The following DNAAF8 variants were observed in gnomAD, a reference collection of about 807,000 sequenced individuals.
The protein encoded by DNAAF8 is dynein axonemal assembly factor 8, also known as dynein axonemal-associated protein 1.
A neutral mutation model predicts 54.6 loss-of-function variants in DNAAF8; 61 were observed. The observed-to-expected ratio is 1.12, with a 90% CI of 0.91 to 1.38. DNAAF8 has a LOEUF of 1.38. Among genes scored for constraint, DNAAF8 ranks in the 40% most tolerant of loss-of-function variants. The pLI, the probability that DNAAF8 is intolerant of heterozygous loss-of-function variation, is 0.00. For synonymous variants in DNAAF8, 320 were observed against 270.1 expected (o/e 1.18, Z -1.81); for missense variants, 837 against 665.0 (o/e 1.26, Z -2.85).
rs2082053649 is a variant in DNAAF8 at position 4,749,085 on chromosome 16, C to T, written c.*370C>T. On this transcript the variant is annotated 3_prime_UTR_variant, in exon 10 of 10. Coordinates refer to ENST00000299320, the MANE Select transcript of DNAAF8 (RefSeq NM_139170.3). ...TGCAAGTCAAAGGCAAGACAGGCTTCCATAAAGTCCCAGGAGGTCCCTCCT... is the reference window on the plus strand; with the variant it reads ...TGCAAGTCAAAGGCAAGACAGGCTTTCATAAAGTCCCAGGAGGTCCCTCCT... The T allele has an allele frequency of 6.6e-6, 1 of 152,534 alleles. No individual in the cohort carries two copies. Among genetic ancestry groups the T allele is most frequent in the Admixed American group, 6.5e-5 (1 of 15,294 alleles). 9.4% of individuals were successfully genotyped at this position (152,534 alleles called of 1,614,324 possible). A position where few individuals can be genotyped will look rare whatever the true frequency, so the allele number is the denominator to read the frequency against.
Position 4,739,265 on chromosome 16 carries a change from G to GGTTTTTTTTTTTTTTT in DNAAF8, c.277-888_277-887insGTTTTTTTTTTTTTTT, listed in dbSNP as rs1555482695. 2.2e-4 allele frequency among the ~76,000 whole-genome samples: 15 copies of GGTTTTTTTTTTTTTTT among 69,042 alleles called. 1 individual carries two copies. The highest frequency in any genetic ancestry group is 4.6e-4 in the Admixed American group (2 of 4,390). 45.3% of individuals were successfully genotyped at this position (69,042 alleles called of 152,430 possible). A position where few individuals can be genotyped will look rare whatever the true frequency, so the allele number is the denominator to read the frequency against. ...AAACTCTTCTGGATGATTTTTTCTT[G>GGTTTTTTTTTTTTTTT]TTTTTTTTTTTTTTTTTTTTTGTAA... On this transcript the variant is annotated intron_variant, in intron 3 of 9. Coordinates refer to ENST00000299320, the MANE Select transcript of DNAAF8 (RefSeq NM_139170.3).
rs754673926 is a variant in DNAAF8 at position 4,740,640 on chromosome 16, C to T, written c.764C>T (p.Pro255Leu). 1 of 1,602,510 alleles carries T rather than the reference C, an allele frequency of 6.2e-7. No homozygotes were observed. Among genetic ancestry groups the T allele is most frequent in the African/African-American group, 1.3e-5 (1 of 74,816 alleles). ...CCCCTCGTGGAGCCTCCGGAGGGAC[C>T]ACCAGTGCTCTCGCTCCAGGTAGGC... ...KMPLVEPPEG[P>L]PVLSLQQLEA... Residue 255 changes from proline to leucine, a missense_variant, in exon 4 of 10, where the codon CCA becomes CTA. Physicochemically the swap from Pro to Leu is moderately conservative, Grantham distance 98. Transcript: ENST00000299320.
chr16:4,747,659 G>A, intron 9 of DNAAF8, 25 bp downstream of exon 9: 1 of 1,571,734 alleles, frequency 6.4e-7, no homozygotes, highest in Non-Finnish European at 8.7e-7. Flanking sequence ...GGAGTGGGCA[G>A]GGGCGGGCTG....
At chr16:4,739,415 A>G (rs1433692059) in intron 3 of DNAAF8, among the ~76,000 whole-genome samples, 1 of 151,658 alleles carries the variant, frequency 6.6e-6, no homozygotes, top group Non-Finnish European at 1.5e-5. Context: ...GAGCCCCAAC[A>G]TTATCATGAT....
chr16:4,745,044 T>C, intron 6 of DNAAF8, 33 bp downstream of exon 6: 1 of 1,601,774 alleles, frequency 6.2e-7, no homozygotes, highest in Non-Finnish European at 8.5e-7. Context: ...GCTCCTGTGG[T>C]CCTTTAGAAT....
In DNAAF8 at chr16:4,747,601, G is replaced by A; in HGVS notation, c.1539G>A (p.Leu513=). The part of the protein sequence containing the change: ...VPEPGAAREA[L]MPPLEQL ...AGCCAGGGGCAGCCAGGGAGGCCCTGATGCCTCCTCTGGAGCAACTATAGC... is the reference window on the plus strand; with the variant it reads ...AGCCAGGGGCAGCCAGGGAGGCCCTAATGCCTCCTCTGGAGCAACTATAGC... The change falls in exon 9 of 10, where the codon CTG becomes CTA. Residue 513 remains leucine (L), a synonymous_variant. Transcript: ENST00000299320. 1 of 1,609,610 alleles carries A rather than the reference G, an allele frequency of 6.2e-7. No homozygotes were observed. The highest frequency in any genetic ancestry group is 8.5e-7 in the Non-Finnish European group (1 of 1,178,770).
intron 1 of DNAAF8, among the ~76,000 whole-genome samples, chr16:4,735,677 G>C (rs2081882701): frequency 6.6e-6 from 1 of 151,878 alleles, no homozygotes. Context: ...CAAACTGTCA[G>C]CCAGGCGCGA....
At chr16:4,747,299 C>T (rs200705043) in intron 8 of DNAAF8, 44 bp from the exon 9 acceptor site, 7 of 1,516,828 alleles carry the variant, frequency 4.6e-6, no homozygotes, top group Middle Eastern at 3.6e-4. Flanking sequence ...CTGGGAGGGG[C>T]GGCCCCCACG....
In DNAAF8 at chr16:4,748,713, C is replaced by G. The variant is rs534925231; in HGVS notation, c.*10-12C>G. 1 of 152,564 alleles carries G rather than the reference C, an allele frequency of 6.6e-6. No individual in the cohort carries two copies. The highest frequency in any genetic ancestry group is 1.9e-4 in the East Asian group (1 of 5,188). 9.5% of individuals were successfully genotyped at this position (152,564 alleles called of 1,614,324 possible). On this transcript the variant is annotated splice_polypyrimidine_tract_variant and intron_variant, in intron 9 of 9. Transcript: ENST00000299320. ...CCTGGGCACCTGTTTGTCTCCCCAA[C>G]CTTGTCTCCAGGATGTGTCCTGCTG... is the stretch of plus-strand genomic sequence containing the variant.
chr16:4,746,722 C>T (rs747290054), intron 7 of DNAAF8: 11 of 796,578 alleles, frequency 1.4e-5, no homozygotes, highest in Non-Finnish European at 1.9e-5. Context: ...GGGCTGGGCT[C>T]TATGCAATAG....
rs1003974683 is a variant in DNAAF8 at position 4,746,740 on chromosome 16, C to G, written c.1182-187C>G. 27 of 750,484 alleles carry G rather than the reference C, an allele frequency of 3.6e-5. No individual in the cohort carries two copies. The South Asian group carries it at 5.0e-4, about 14-fold the overall frequency. 46.5% of individuals were successfully genotyped at this position (750,484 alleles called of 1,614,324 possible). On this transcript the variant is annotated intron_variant, in intron 7 of 9. Coordinates refer to ENST00000299320, the MANE Select transcript of DNAAF8 (RefSeq NM_139170.3). Reference sequence around the variant, plus strand: ...CTGGGCTCTATGCAATAGAGCCCAACACGTCTAGGCTGGAGGGCATCACCC... The same window carrying G: ...CTGGGCTCTATGCAATAGAGCCCAAGACGTCTAGGCTGGAGGGCATCACCC...
chr16:4,743,045 A>G lies in DNAAF8; in HGVS notation c.786A>G (p.Gln262=). The change falls in exon 5 of 10, where the codon CAA becomes CAG. Residue 262 remains glutamine (Q), a splice_region_variant and synonymous_variant. Transcript: ENST00000299320. ...ATCACTGGTTTTAATGATTTCAGCA[A>G]CTTGAAGCGTGGGATTTGGATGACA... is the stretch of plus-strand genomic sequence containing the variant. The part of the protein sequence containing the change: ...PEGPPVLSLQ[Q]LEAWDLDDIL... The G allele has an allele frequency of 6.2e-7, 1 of 1,605,652 alleles. No homozygotes were observed. Among genetic ancestry groups the G allele is most frequent in the Non-Finnish European group, 8.5e-7 (1 of 1,173,174 alleles).
Position 4,749,387 on chromosome 16 carries a change from C to G in DNAAF8, c.*672C>G, listed in dbSNP as rs2082057250. The G allele has an allele frequency of 6.5e-6, 1 of 154,434 alleles. No individual in the cohort carries two copies. The highest frequency in any genetic ancestry group is 6.5e-5 in the Admixed American group (1 of 15,292). The allele number at this position is 154,434 out of a possible 1,614,324, so 9.6% of individuals were successfully genotyped here. On this transcript the variant is annotated 3_prime_UTR_variant, in exon 10 of 10. Transcript: ENST00000299320. The stretch of plus-strand genomic sequence containing the variant: ...ACAGTGATGGAAAATAAACTCTGTT[C>G]CAAGTTCAACTCTGAATTACTGTGT...
At position 4,747,455 on chromosome 16, in the gene DNAAF8, C is replaced by G. The variant is rs781595597; in HGVS notation, c.1393C>G (p.Pro465Ala). ...KGPAGGRAQAPEDTAGSRTGR... is the reference protein window; with the variant it reads ...KGPAGGRAQAAEDTAGSRTGR... ...GCCCGCGGGTGGGAGGGCTCAGGCC[C>G]CTGAAGACACAGCTGGATCACGAAC... is the stretch of plus-strand genomic sequence containing the variant. The change falls in exon 9 of 10, where the codon CCT becomes GCT. Residue 465 changes from proline (P) to alanine (A), a missense_variant. Physicochemically the swap from Pro to Ala is conservative, Grantham distance 27. Coordinates refer to ENST00000299320, the MANE Select transcript of DNAAF8 (RefSeq NM_139170.3). The G allele has an allele frequency of 6.2e-7, 1 of 1,613,092 alleles. No individual in the cohort carries two copies. Among genetic ancestry groups the G allele is most frequent in the Non-Finnish European group, 8.5e-7 (1 of 1,180,006 alleles).
intron 6 of DNAAF8, among the ~76,000 whole-genome samples, chr16:4,745,226 G>T (rs2081999465): frequency 6.6e-6 from 1 of 152,164 alleles, no homozygotes; most frequent in Admixed American, 6.6e-5. Context: ...TAAATGGCAG[G>T]GCTGGGACTC....
At chr16:4,738,037 T>A in intron 3 of DNAAF8, 91 bp downstream of exon 3, 5 of 1,418,410 alleles carry the variant, frequency 3.5e-6, no homozygotes, top group Non-Finnish European at 4.8e-6. Flanking sequence ...ATTTCCACGA[T>A]ATGCTAGAAC....
chr16:4,736,472 G>T lies in DNAAF8; in HGVS notation c.-43G>T. The T allele has an allele frequency of 6.8e-7, 1 of 1,473,246 alleles. No homozygotes were observed. Among genetic ancestry groups the T allele is most frequent in the South Asian group, 1.4e-5 (1 of 69,948 alleles). 91.3% of individuals were successfully genotyped at this position (1,473,246 alleles called of 1,614,324 possible). A position where few individuals can be genotyped will look rare whatever the true frequency, so the allele number is the denominator to read the frequency against. On this transcript the variant is annotated 5_prime_UTR_variant, in exon 2 of 10. Transcript: ENST00000299320. ...CCCTGTGTACCCCACAGAGCTCCCC[G>T]GATTATGGTGCACTGAGAAGGCATC...
At chr16:4,736,878 CT>C (rs1270755545) in intron 2 of DNAAF8, among the ~76,000 whole-genome samples, 5 of 152,148 alleles carry the variant, frequency 3.3e-5, no homozygotes, top group African/African-American at 1.2e-4. Flanking sequence ...GGTATTGGTG[CT>C]CAGCATCTTG....
chr16:4,738,983 T>TGG (rs1822957225), intron 3 of DNAAF8, among the ~76,000 whole-genome samples: 1 of 152,124 alleles, frequency 6.6e-6, no homozygotes, highest in Non-Finnish European at 1.5e-5. Flanking sequence ...TTCTCTCAGG[T>TGG]GTTCTGCTGA....
Sources: gnomAD v4.1 joint callset for allele counts (sites outside exome capture counted in the v4.1 genomes callset) on GRCh38, gnomAD v4.1.1 for gene constraint, MANE v1.5 for transcripts, NCBI Gene and HGNC (gene_info 2026-07-23, HGNC 2026-07-21) for gene names.